The following ADAMTS1 variants were observed in gnomAD, a reference collection of about 807,000 sequenced individuals.
The protein encoded by ADAMTS1 is A disintegrin and metalloproteinase with thrombospondin motifs 1.
Under a neutral mutation model 87.9 loss-of-function variants are expected in ADAMTS1, and 19 were observed. The observed-to-expected ratio is 0.22, with a 90% CI of 0.15 to 0.32. ADAMTS1 has a LOEUF of 0.32. Ranked by LOEUF, ADAMTS1 falls within the 10% of genes least tolerant of loss-of-function variation. The pLI, the probability that ADAMTS1 is intolerant of heterozygous loss-of-function variation, is 1.00. For missense variants in ADAMTS1, 1,240 were observed against 1,259.1 expected, an observed-to-expected ratio of 0.98 and a Z score of 0.23; for synonymous variants, 542 against 501.8, an observed-to-expected ratio of 1.08 and a Z score of -1.07.
intron 7 of ADAMTS1, chr21:26,839,005 T>G (rs1250590217): frequency 5.7e-6 from 1 of 174,362 alleles, no homozygotes; most frequent in Non-Finnish European, 1.2e-5. Context: ...TCATAGCCTA[T>G]GGTGCTAATG....
chr21:26,838,673 G>A, intron 7 of ADAMTS1, 59 bp from the exon 8 acceptor site: 1 of 1,529,138 alleles, frequency 6.5e-7, no homozygotes, highest in South Asian at 1.2e-5. Context: ...ATGCTGCAAT[G>A]ATAAGTGTAA....
At chr21:26,838,887 A>G in intron 7 of ADAMTS1, 2 of 331,302 alleles carry the variant, frequency 6.0e-6, no homozygotes, top group Non-Finnish European at 5.5e-6. Context: ...GCTGTTTGTC[A>G]CTTTGTTTAC....
chr21:26,839,778 T>C lies in ADAMTS1; in HGVS notation c.1853-16A>G, dbSNP rs747140403. 1 of 1,603,894 alleles carries C rather than the reference T, an allele frequency of 6.2e-7. No individual in the cohort carries two copies. The highest frequency in any genetic ancestry group is 1.3e-5 in the African/African-American group (1 of 74,548). ...AAGGTTTTTCCTGGAAAGAGAATAA[T>C]ATGATAACATTATCAGTTTCCAATC... On this transcript the variant is annotated splice_polypyrimidine_tract_variant and intron_variant, in intron 6 of 8. Transcript: ENST00000284984.
chr21:26,837,854 T>TTC lies in ADAMTS1; in HGVS notation c.2627_2628dup (p.Arg877GlufsTer4), dbSNP rs1419069820. 1 of 1,614,212 alleles carries TTC rather than the reference T, an allele frequency of 6.2e-7. No individual in the cohort carries two copies. Among genetic ancestry groups the TTC allele is most frequent in the South Asian group, 1.1e-5 (1 of 91,086 alleles). ...TTAATGTCTCGGCATTCTACCAGTC[T>TTC]TCTCTGCCAACCCAATTCACATGAC... On this transcript the variant is annotated frameshift_variant, in exon 9 of 9. Transcript: ENST00000284984. LOFTEE classifies it high-confidence loss of function.
rs1350180054 is a variant in ADAMTS1, at chr21:26,844,449, G to A, written c.506C>T (p.Ala169Val). Residue 169 changes from alanine to valine, a missense_variant, in exon 1 of 9, where the codon GCC (alanine) becomes GTC (valine). Coordinates refer to ENST00000284984, the MANE Select transcript of ADAMTS1 (RefSeq NM_006988.5). ...QPLPAASERLATAAPGEKPPA... is the reference protein window; with the variant it reads ...QPLPAASERLVTAAPGEKPPA... ...CGGCTTCTCCCCTGGGGCGGCGGTGGCGAGGCGCTCGCTGGCGGCGGGCAG... is the reference window on the plus strand; with the variant it reads ...CGGCTTCTCCCCTGGGGCGGCGGTGACGAGGCGCTCGCTGGCGGCGGGCAG... The A allele has an allele frequency of 1.3e-6, 2 of 1,587,322 alleles. No homozygotes were observed. The highest frequency in any genetic ancestry group is 2.3e-5 in the East Asian group (1 of 43,284).
chr21:26,838,075 C>G lies in ADAMTS1; in HGVS notation c.2408G>C (p.Gly803Ala). 1 of 1,614,158 alleles carries G rather than the reference C, an allele frequency of 6.2e-7. No individual in the cohort carries two copies. Among genetic ancestry groups the G allele is most frequent in the Non-Finnish European group, 8.5e-7 (1 of 1,180,012 alleles). Residue 803 changes from glycine (G) to alanine (A), a missense_variant, in exon 9 of 9, where the codon GGC (glycine) becomes GCC (alanine). Gly to Ala is a moderately conservative substitution (Grantham distance 60). Coordinates refer to ENST00000284984, the MANE Select transcript of ADAMTS1 (RefSeq NM_006988.5). ...MYKGVVLRYS[G>A]SSAALERIRS... ...AATTCTTTCCAATGCCGCAGAGGAG[C>G]CGCTGTACCTCAAGACAACACCTTT...
chr21:26,837,531 C>T lies in ADAMTS1; in HGVS notation c.*48G>A. ...AGCCTTCTTGCTTTCCCTGCACCAGCCCTTCCTCACTTTGCCTTGCCCTCA... is the reference window on the plus strand; with the variant it reads ...AGCCTTCTTGCTTTCCCTGCACCAGTCCTTCCTCACTTTGCCTTGCCCTCA... On this transcript the variant is annotated 3_prime_UTR_variant, in exon 9 of 9. Transcript: ENST00000284984. The T allele has an allele frequency of 6.4e-7, 1 of 1,552,412 alleles. No individual in the cohort carries two copies.
At chr21:26,844,189 G>A in intron 1 of ADAMTS1, 36 bp downstream of exon 1, 3 of 1,517,490 alleles carry the variant, frequency 2.0e-6, no homozygotes, top group Non-Finnish European at 2.6e-6. Context: ...AGGAGAGGAG[G>A]ATGAATGGAC....
At chr21:26,841,298 G>A (rs1985489046) in intron 3 of ADAMTS1, 133 bp from the exon 4 acceptor site, 2 of 848,402 alleles carry the variant, frequency 2.4e-6, no homozygotes, top group Non-Finnish European at 3.6e-6. Context: ...GGCCAACATA[G>A]TGAAACCCCG....
chr21:26,838,790 G>A (rs537822951), intron 7 of ADAMTS1, 176 bp from the exon 8 acceptor site: 36 of 559,790 alleles, frequency 6.4e-5, no homozygotes, highest in East Asian at 4.0e-4. Context: ...TCAGTACTAC[G>A]TATAGACATC....
In ADAMTS1 at chr21:26,838,089, GACAAC is replaced by G. The variant is rs1568809335; in HGVS notation, c.2389_2393del (p.Val797LeufsTer17). The G allele has an allele frequency of 6.2e-7, 1 of 1,614,170 alleles. No homozygotes were observed. The stretch of plus-strand genomic sequence containing the variant: ...CCGCAGAGGAGCCGCTGTACCTCAA[GACAAC>G]ACCTTTGTACATAATGTCTTGCTCT... On this transcript the variant is annotated frameshift_variant, in exon 9 of 9. Coordinates refer to ENST00000284984, the MANE Select transcript of ADAMTS1 (RefSeq NM_006988.5). LOFTEE classifies it high-confidence loss of function.
At chr21:26,838,664 T>G in intron 7 of ADAMTS1, 50 bp from the exon 8 acceptor site, 1 of 1,556,440 alleles carries the variant, frequency 6.4e-7, no homozygotes, top group Non-Finnish European at 8.8e-7. Flanking sequence ...AGGAAGGAGA[T>G]GCTGCAATGA....
chr21:26,839,546 G>C, intron 7 of ADAMTS1, 41 bp downstream of exon 7: 1 of 1,492,042 alleles, frequency 6.7e-7, no homozygotes, highest in Non-Finnish European at 9.0e-7. Context: ...AGCAAGCCCA[G>C]GCCTTGATTT....
chr21:26,843,522 A>G (rs1985540491), intron 1 of ADAMTS1: 1 of 470,278 alleles, frequency 2.1e-6, no homozygotes, highest in African/African-American at 2.0e-5. Flanking sequence ...AGAAGGCCGT[A>G]GCAGGAAGGA....
chr21:26,844,530 C>T lies in ADAMTS1; in HGVS notation c.425G>A (p.Cys142Tyr). ...GTAGAAGGCGCCGCGCACGCCCTCGCAGAGGCTGAGGGCGGCAGCCGAGCT... is the reference window on the plus strand; with the variant it reads ...GTAGAAGGCGCCGCGCACGCCCTCGTAGAGGCTGAGGGCGGCAGCCGAGCT... The part of the protein sequence containing the change: ...DPSSAAALSL[C>Y]EGVRGAFYLL... Residue 142 changes from cysteine (C) to tyrosine (Y), a missense_variant, in exon 1 of 9, where the codon TGC becomes TAC. Coordinates refer to ENST00000284984, the MANE Select transcript of ADAMTS1 (RefSeq NM_006988.5). 6.2e-7 allele frequency: 1 copy of T among 1,603,800 alleles called. No individual in the cohort carries two copies. Among genetic ancestry groups the T allele is most frequent in the Middle Eastern group, 1.7e-4 (1 of 6,042 alleles).
chr21:26,842,325 C>A lies in ADAMTS1; in HGVS notation c.1077+14G>T. 6.2e-7 allele frequency: 1 copy of A among 1,609,480 alleles called. No homozygotes were observed. Among genetic ancestry groups the A allele is most frequent in the South Asian group, 1.1e-5 (1 of 90,342 alleles). ...AAGAGGACAGTCTCACAGCTGGTAC[C>A]ATCTTCCTCTTACCTGTCTGGTGAA... On this transcript the variant is annotated intron_variant, in intron 2 of 8. Coordinates refer to ENST00000284984, the MANE Select transcript of ADAMTS1 (RefSeq NM_006988.5).
At chr21:26,842,836 C>T (rs2123320689) in intron 1 of ADAMTS1, 151 bp from the exon 2 acceptor site, 2 of 655,476 alleles carry the variant, frequency 3.1e-6, no homozygotes, top group East Asian at 5.4e-5. Flanking sequence ...TATCTTCACT[C>T]CAAGTGTTAT....
intron 8 of ADAMTS1, 60 bp downstream of exon 8, chr21:26,838,379 A>G: frequency 1.9e-6 from 3 of 1,597,150 alleles, no homozygotes; most frequent in Non-Finnish European, 2.6e-6. Context: ...TTTTTTTCCC[A>G]GACCTGTTGA....
intron 7 of ADAMTS1, chr21:26,839,311 G>A (rs1985441510): frequency 3.7e-6 from 1 of 273,820 alleles, no homozygotes; most frequent in South Asian, 9.5e-5. Context: ...GTCGCACAGA[G>A]GAGCGCTTGA....
Sources: gnomAD v4.1 joint callset for allele counts on GRCh38, gnomAD v4.1.1 for gene constraint, MANE v1.5 for transcripts, NCBI Gene and HGNC (gene_info 2026-07-23, HGNC 2026-07-21) for gene names.